Variants in LARGE1 observed in about 807,000 individuals in gnomAD.
The protein encoded by LARGE1 is xylosyl- and glucuronyltransferase LARGE1.
Under a neutral mutation model 87.6 loss-of-function variants are expected in LARGE1, and 43 were observed. The ratio of observed to expected loss-of-function variants is 0.49; its 90% CI spans 0.38 to 0.63. The LOEUF is 0.63. Among genes scored for constraint, LARGE1 ranks in the 30% least tolerant of loss-of-function variants. The probability of loss-of-function intolerance (pLI) is 0.00; values close to 1 mark genes in which losing one functional copy is unlikely to be tolerated. For synonymous variants in LARGE1, 434 were observed against 394.6 expected (o/e 1.10, Z -1.18); for missense variants, 802 against 1,000.2 (o/e 0.80, Z 2.67).
chr22:33,559,466 G>A (rs2077791347), intron 6 of LARGE1, among the ~76,000 whole-genome samples: 1 of 152,222 alleles, frequency 6.6e-6, no homozygotes, highest in Admixed American at 6.5e-5. Flanking sequence ...ACAAACGTGA[G>A]CCACCACACC....
intron 6 of LARGE1, among the ~76,000 whole-genome samples, chr22:33,451,426 C>T (rs566030540): frequency 1.2e-4 from 18 of 151,924 alleles, no homozygotes; most frequent in Middle Eastern, 3.4e-3. Context: ...AGTTCTTTAG[C>T]GGTGACTTCC....
At position 33,502,871 on chromosome 22, in the gene LARGE1, T is replaced by A. The variant is rs182081953; in HGVS notation, c.787+61977A>T. Among the ~76,000 whole-genome samples the A allele has an allele frequency of 2.0e-5, 3 of 151,498 alleles. No individual in the cohort carries two copies. In the Admixed American group the frequency reaches 2.0e-4, roughly 10 times the overall value. On this transcript the variant is annotated intron_variant, in intron 6 of 14. Transcript: ENST00000397394. ...TGCACAGCAGAAATTGAAGCACAAG[T>A]GCTGGGTGAATGAAAGAGTCCCTGC...
intron 1 of LARGE1, among the ~76,000 whole-genome samples, chr22:33,806,905 G>C (rs1198015148): frequency 6.6e-6 from 1 of 152,120 alleles, no homozygotes; most frequent in Admixed American, 6.5e-5. Flanking sequence ...AGCTGCTCTG[G>C]AGGCTGAGGC....
intron 10 of LARGE1, among the ~76,000 whole-genome samples, chr22:33,333,556 T>G (rs968062645): frequency 2.6e-5 from 4 of 152,218 alleles, no homozygotes; most frequent in Non-Finnish European, 5.9e-5. Flanking sequence ...GCATGTTCTC[T>G]TTTAACAGTT....
intron 2 of LARGE1, among the ~76,000 whole-genome samples, chr22:33,667,244 T>C (rs1041719147): frequency 1.3e-5 from 2 of 152,204 alleles, no homozygotes; most frequent in African/African-American, 4.8e-5. Flanking sequence ...TCCTGACACT[T>C]TTTTTCCATC....
chr22:33,466,893 A>T (rs997184813), intron 6 of LARGE1, among the ~76,000 whole-genome samples: 4 of 152,100 alleles, frequency 2.6e-5, no homozygotes, highest in African/African-American at 9.7e-5. Context: ...AAAAAAAATT[A>T]GCTGAGCGTG....
chr22:33,122,729 G>T, the LARGE1 span, among the ~76,000 whole-genome samples: 70 of 152,244 alleles, frequency 4.6e-4, no homozygotes, highest in African/African-American at 1.6e-3. Context: ...TAAATCAAAG[G>T]ACATGGCCAA....
chr22:33,240,153 C>T (rs1163944780), intron 11 of LARGE1, among the ~76,000 whole-genome samples: 1 of 152,132 alleles, frequency 6.6e-6, no homozygotes. Context: ...ACATCCTCAC[C>T]AGCATTTTGT....
chr22:33,502,677 T>A (rs1362463031), intron 6 of LARGE1, among the ~76,000 whole-genome samples: 2 of 152,048 alleles, frequency 1.3e-5, no homozygotes, highest in Admixed American at 1.3e-4. Context: ...CACGCCATCC[T>A]CCTACCTCAG....
chr22:33,109,752 T>G, the LARGE1 span, among the ~76,000 whole-genome samples: 1 of 152,144 alleles, frequency 6.6e-6, no homozygotes, highest in Non-Finnish European at 1.5e-5. Context: ...AAGAATGACT[T>G]GGTGTCCTCC....
chr22:33,186,402 T>C (rs1234820480), intron 11 of LARGE1, among the ~76,000 whole-genome samples: 1 of 152,134 alleles, frequency 6.6e-6, no homozygotes, highest in African/African-American at 2.4e-5. Flanking sequence ...GGACAATCAA[T>C]TATGTTGATT....
At chr22:33,130,313 C>CAAAAAAAAAAA in the LARGE1 span, among the ~76,000 whole-genome samples, 122 of 57,000 alleles carry the variant, frequency 2.1e-3, 3 homozygotes, top group African/African-American at 7.9e-3. Context: ...GATTCCGTCT[C>CAAAAAAAAAAA]AAAAAAAAAA....
At chr22:33,355,926 T>C (rs1020573077) in intron 9 of LARGE1, among the ~76,000 whole-genome samples, 8 of 152,178 alleles carry the variant, frequency 5.3e-5, no homozygotes, top group African/African-American at 1.9e-4. Flanking sequence ...TGATATAAAA[T>C]AGATGTGGGA....
chr22:33,545,264 CTTTT>C (rs57882316), intron 6 of LARGE1, among the ~76,000 whole-genome samples: 30 of 132,006 alleles, frequency 2.3e-4, no homozygotes, highest in Admixed American at 3.9e-4. Flanking sequence ...CTTTCCTTTT[CTTTT>C]TTTTTTTTTT....
intron 2 of LARGE1, among the ~76,000 whole-genome samples, chr22:33,706,389 AGAG>A (rs2082563996): frequency 6.6e-6 from 1 of 152,196 alleles, no homozygotes; most frequent in African/African-American, 2.4e-5. Context: ...TCTGCACTGC[AGAG>A]GAGGAAACAG....
intron 11 of LARGE1, among the ~76,000 whole-genome samples, chr22:33,234,701 C>A (rs1926168976): frequency 6.6e-6 from 1 of 151,992 alleles, no homozygotes; most frequent in Admixed American, 6.6e-5. Flanking sequence ...GCCACCATGC[C>A]CAGCTAATTT....
rs138941700 is a variant in LARGE1 at position 33,908,108 on chromosome 22, C to T, written c.-83+11887G>A. Among the ~76,000 whole-genome samples, 145 of 152,310 alleles carry T rather than the reference C, an allele frequency of 9.5e-4. 4 individuals carry two copies. The East Asian group carries it at 0.025, about 26-fold the overall frequency. On this transcript the variant is annotated intron_variant, in intron 1 of 14. Coordinates refer to ENST00000397394, the MANE Select transcript of LARGE1 (RefSeq NM_133642.5). ...TCCACCACTGCAGCACAGTATGACA[C>T]TCGAGGTTTCATCAGAAAGGGTTAC...
At chr22:33,866,073 T>G (rs559658688) in intron 1 of LARGE1, among the ~76,000 whole-genome samples, 1 of 152,130 alleles carries the variant, frequency 6.6e-6, no homozygotes, top group Admixed American at 6.5e-5. Flanking sequence ...GGTCTCCAAC[T>G]CCTGGGCTCA....
intron 12 of LARGE1, among the ~76,000 whole-genome samples, chr22:33,285,795 A>G (rs1931423990): frequency 6.6e-6 from 1 of 152,044 alleles, no homozygotes; most frequent in African/African-American, 2.4e-5. Context: ...GAATGGGACA[A>G]AACAGGGTGG....
Sources: gnomAD v4.1 joint callset for allele counts (sites outside exome capture counted in the v4.1 genomes callset) on GRCh38, gnomAD v4.1.1 for gene constraint, MANE v1.5 for transcripts, NCBI Gene and HGNC (gene_info 2026-07-23, HGNC 2026-07-21) for gene names.